TP63: variants seen among roughly 807,000 people sequenced by gnomAD.
TP63 encodes the protein tumor protein 63.
In TP63, 17 loss-of-function variants were observed where a neutral mutation model predicts 82.8. The observed-to-expected ratio is 0.21, with a 90% confidence interval of 0.14 to 0.31. The LOEUF (loss-of-function observed/expected upper bound fraction) is 0.31, where lower values mean the gene tolerates loss of function less well. TP63 is among the 10% of genes least tolerant of loss of function. TP63 has a pLI of 1.00. For synonymous variants in TP63, 330 were observed against 321.7 expected (o/e 1.03, Z -0.28); for missense variants, 648 against 895.3 (o/e 0.72, Z 3.52).
At chr3:189,735,620 T>A (rs1720522315) in intron 1 of TP63, among the ~76,000 whole-genome samples, 1 of 152,154 alleles carries the variant, frequency 6.6e-6, no homozygotes, top group African/African-American at 2.4e-5. Context: ...TCATCTCCAT[T>A]CCCATTGATT....
intron 1 of TP63, among the ~76,000 whole-genome samples, chr3:189,703,647 A>G (rs1717986905): frequency 2.6e-5 from 4 of 152,238 alleles, no homozygotes; most frequent in Admixed American, 6.5e-5. Flanking sequence ...AGATCCTTAC[A>G]TACTATACTA....
intron 1 of TP63, among the ~76,000 whole-genome samples, chr3:189,732,467 TCAAA>T (rs1483620439): frequency 2.6e-5 from 4 of 152,206 alleles, no homozygotes; most frequent in Non-Finnish European, 5.9e-5. Context: ...CTTTAAAAAC[TCAAA>T]CAGACCATTC....
Position 189,703,911 on chromosome 3 carries a change from A to C in TP63, c.63-33829A>C, listed in dbSNP as rs889926820. 1.2e-4 allele frequency among the ~76,000 whole-genome samples: 19 copies of C among 152,204 alleles called. 1 individual carries two copies. On this transcript the variant is annotated intron_variant, in intron 1 of 13. Transcript: ENST00000264731. ...AACCTCAACCTGGCCTCTGATGGAG[A>C]GTCTACAGTCAGTGAGATAGCCTCA...
intron 1 of TP63, among the ~76,000 whole-genome samples, chr3:189,640,538 G>T (rs903013344): frequency 2.0e-5 from 3 of 152,128 alleles, no homozygotes; most frequent in East Asian, 1.9e-4. Flanking sequence ...TTTACAGTCA[G>T]ATGTTCAATC....
At chr3:189,721,632 G>C (rs1204705213) in intron 1 of TP63, among the ~76,000 whole-genome samples, 1 of 152,090 alleles carries the variant, frequency 6.6e-6, no homozygotes, top group Non-Finnish European at 1.5e-5. Context: ...TTCATAAAGG[G>C]ACTTCTTCAA....
At chr3:189,717,182 TAC>T (rs141638035) in intron 1 of TP63, among the ~76,000 whole-genome samples, 3 of 150,624 alleles carry the variant, frequency 2.0e-5, no homozygotes, top group Non-Finnish European at 4.4e-5. Context: ...AACAAATATG[TAC>T]ACACACACAC....
In TP63 at chr3:189,784,434, G is replaced by A. The variant is rs74466182; in HGVS notation, c.325-23838G>A. ...TTCCAGTCTCAAAATACACAGATTCGGATCTCAATTCCAATGTTTAATATC... is the reference window on the plus strand; with the variant it reads ...TTCCAGTCTCAAAATACACAGATTCAGATCTCAATTCCAATGTTTAATATC... On this transcript the variant is annotated intron_variant, in intron 3 of 13. Coordinates refer to ENST00000264731, the MANE Select transcript of TP63 (RefSeq NM_003722.5). 5.1e-3 allele frequency among the ~76,000 whole-genome samples: 778 copies of A among 152,056 alleles called. 9 individuals carry two copies. Among genetic ancestry groups the A allele is most frequent in the African/African-American group, 0.018 (743 of 41,528 alleles).
the TP63 span, among the ~76,000 whole-genome samples, chr3:189,616,556 C>T: frequency 2.0e-5 from 3 of 152,296 alleles, no homozygotes; most frequent in South Asian, 6.2e-4. Flanking sequence ...AGTAGGGAAA[C>T]ATTGCTCATA....
intron 1 of TP63, among the ~76,000 whole-genome samples, chr3:189,648,063 G>C (rs1712576601): frequency 6.8e-6 from 1 of 147,162 alleles, no homozygotes; most frequent in Non-Finnish European, 1.5e-5. Context: ...GGTTACTCCA[G>C]TAGAAGTATG....
intron 9 of TP63, among the ~76,000 whole-genome samples, chr3:189,870,637 A>C (rs1184230344): frequency 1.3e-5 from 2 of 152,202 alleles, no homozygotes; most frequent in Non-Finnish European, 2.9e-5. Flanking sequence ...TAAGAACCTC[A>C]TTAATTCCTA....
chr3:189,745,319 T>G (rs752178555), intron 3 of TP63, among the ~76,000 whole-genome samples: 1 of 152,014 alleles, frequency 6.6e-6, no homozygotes, highest in African/African-American at 2.4e-5. Context: ...ACTGAGAAGC[T>G]CAGTGAGATA....
chr3:189,637,200 T>C (rs1359375856), intron 1 of TP63, among the ~76,000 whole-genome samples: 1 of 152,102 alleles, frequency 6.6e-6, no homozygotes, highest in Non-Finnish European at 1.5e-5. Flanking sequence ...CATGTAGACC[T>C]GGAGAGAACA....
At chr3:189,821,157 C>A (rs1424927780) in intron 4 of TP63, among the ~76,000 whole-genome samples, 1 of 152,142 alleles carries the variant, frequency 6.6e-6, no homozygotes, top group Admixed American at 6.5e-5. Flanking sequence ...TTCATGTGTA[C>A]TAGCAGTGGT....
chr3:189,814,098 G>GCT (rs1727897217), intron 4 of TP63, among the ~76,000 whole-genome samples: 1 of 152,118 alleles, frequency 6.6e-6, no homozygotes, highest in Non-Finnish European at 1.5e-5. Context: ...ACTCCCTTTG[G>GCT]CTCCGCAGGC....
intron 1 of TP63, among the ~76,000 whole-genome samples, chr3:189,668,739 G>A (rs533757963): frequency 2.8e-4 from 43 of 152,174 alleles, no homozygotes; most frequent in African/African-American, 7.7e-4. Flanking sequence ...CTGGCTAGAC[G>A]TGGTGGCTCA....
At chr3:189,802,418 C>T (rs145093855) in intron 3 of TP63, among the ~76,000 whole-genome samples, 1 of 152,116 alleles carries the variant, frequency 6.6e-6, no homozygotes, top group Non-Finnish European at 1.5e-5. Flanking sequence ...GAACAGTTAC[C>T]TTAGAAAACT....
Position 189,772,962 on chromosome 3 carries a change from G to A in TP63, c.324+34188G>A, listed in dbSNP as rs531099789. ...GGCAGCTGTATACTTAAACATCAAG[G>A]TCCCTTAGTGTAAGGAGACAACGGG... On this transcript the variant is annotated intron_variant, in intron 3 of 13. Transcript: ENST00000264731. Among the ~76,000 whole-genome samples, 41 of 152,288 alleles carry A rather than the reference G, an allele frequency of 2.7e-4. 1 individual carries two copies. The highest frequency in any genetic ancestry group is 2.3e-3 in the Admixed American group (35 of 15,302).
the TP63 span, among the ~76,000 whole-genome samples, chr3:189,617,671 G>T: frequency 6.6e-6 from 1 of 152,114 alleles, no homozygotes; most frequent in South Asian, 2.1e-4. Flanking sequence ...CATCTTCCTA[G>T]AATGTAATAT....
At chr3:189,682,552 AAATATATATATATATATAT>A (rs1241792648) in intron 1 of TP63, among the ~76,000 whole-genome samples, 1,634 of 24,036 alleles carry the variant, frequency 0.068, 58 homozygotes, top group East Asian at 0.25. Flanking sequence ...AAAAAAAAAA[AAATATATATATATATATAT>A]ATATATATAT....
Sources: gnomAD v4.1 joint callset for allele counts (sites outside exome capture counted in the v4.1 genomes callset) on GRCh38, gnomAD v4.1.1 for gene constraint, MANE v1.5 for transcripts, NCBI Gene and HGNC (gene_info 2026-07-23, HGNC 2026-07-21) for gene names.